ZNF892: variants seen among roughly 807,000 people sequenced by gnomAD.
ZNF892 encodes the protein zinc finger protein 892, also known as zinc finger protein 570-like.
the ZNF892 span, among the ~76,000 whole-genome samples, chr2:95,252,612 T>G: frequency 3.3e-5 from 5 of 152,306 alleles, no homozygotes; most frequent in South Asian, 2.1e-4. Flanking sequence ...GTAATGGGAT[T>G]GCTGGGTCAA....
chr2:95,210,151 ATATATGTG>A, the ZNF892 span, among the ~76,000 whole-genome samples: 2 of 148,796 alleles, frequency 1.3e-5, no homozygotes, highest in Non-Finnish European at 3.0e-5. Context: ...GTATATATGT[ATATATGTG>A]TATATATGTA....
At chr2:95,248,839 G>A in the ZNF892 span, among the ~76,000 whole-genome samples, 3 of 151,762 alleles carry the variant, frequency 2.0e-5, no homozygotes, top group African/African-American at 7.3e-5. Flanking sequence ...TGGAATAACC[G>A]GTCATTTTAT....
chr2:95,237,178 C>T, the ZNF892 span, among the ~76,000 whole-genome samples: 268 of 149,312 alleles, frequency 1.8e-3, 2 homozygotes, highest in African/African-American at 6.4e-3. Flanking sequence ...ACTAGAGTCT[C>T]CCTCAGTCAC....
the ZNF892 span, among the ~76,000 whole-genome samples, chr2:95,225,775 A>G: frequency 6.6e-6 from 1 of 152,238 alleles, no homozygotes; most frequent in Non-Finnish European, 1.5e-5. Flanking sequence ...GGTGAGACTC[A>G]AATCACTATT....
At chr2:95,258,493 C>T in the ZNF892 span, among the ~76,000 whole-genome samples, 1 of 152,036 alleles carries the variant, frequency 6.6e-6, no homozygotes, top group East Asian at 1.9e-4. Flanking sequence ...TGGGAATGGA[C>T]GTGGGTTACA....
chr2:95,249,387 C>A, the ZNF892 span, among the ~76,000 whole-genome samples: 1 of 148,536 alleles, frequency 6.7e-6, no homozygotes, highest in African/African-American at 2.4e-5. Context: ...ATTACAGGCG[C>A]CCGCCACCAC....
chr2:95,258,511 A>G, the ZNF892 span, among the ~76,000 whole-genome samples: 1 of 152,170 alleles, frequency 6.6e-6, no homozygotes, highest in African/African-American at 2.4e-5. Flanking sequence ...ACAGATTGGG[A>G]ACAGATGTGG....
the ZNF892 span, among the ~76,000 whole-genome samples, chr2:95,249,229 A>ATTTTTTTTTT: frequency 1.4e-5 from 1 of 70,626 alleles, no homozygotes; most frequent in Non-Finnish European, 2.7e-5. Context: ...ATATATATAT[A>ATTTTTTTTTT]TATTTTTTTT....
chr2:95,238,351 G>C, the ZNF892 span, among the ~76,000 whole-genome samples: 1 of 152,204 alleles, frequency 6.6e-6, no homozygotes, highest in South Asian at 2.1e-4. Context: ...AACAAAGCCT[G>C]AATGACAGCA....
At chr2:95,238,387 A>T in the ZNF892 span, among the ~76,000 whole-genome samples, 1 of 152,228 alleles carries the variant, frequency 6.6e-6, no homozygotes, top group East Asian at 1.9e-4. Context: ...TGGTTTACTG[A>T]GTATTTTAAG....
At chr2:95,262,798 G>A in the ZNF892 span, among the ~76,000 whole-genome samples, 12 of 152,134 alleles carry the variant, frequency 7.9e-5, no homozygotes, top group Admixed American at 5.9e-4. Context: ...GTTTTCTGAC[G>A]TATTCAACTG....
At chr2:95,246,521 G>A in the ZNF892 span, among the ~76,000 whole-genome samples, 1 of 152,076 alleles carries the variant, frequency 6.6e-6, no homozygotes, top group Admixed American at 6.6e-5. Context: ...AGGGAAATCA[G>A]GCAAGAGAAA....
At chr2:95,243,002 G>A in the ZNF892 span, among the ~76,000 whole-genome samples, 15 of 152,296 alleles carry the variant, frequency 9.8e-5, no homozygotes, top group East Asian at 9.7e-4. Flanking sequence ...GGCGCGCGCC[G>A]CCACGCCTGA....
chr2:95,260,939 G>A, the ZNF892 span, among the ~76,000 whole-genome samples: 44 of 152,330 alleles, frequency 2.9e-4, no homozygotes, highest in African/African-American at 1.0e-3. Flanking sequence ...AGAAGGTGAG[G>A]GCGGCCTGCA....
At chr2:95,218,451 A>G in the ZNF892 span, among the ~76,000 whole-genome samples, 1 of 151,252 alleles carries the variant, frequency 6.6e-6, no homozygotes, top group Non-Finnish European at 1.5e-5. Context: ...AACAAGAACC[A>G]CCTTTTTTTT....
chr2:95,227,183 C>G, the ZNF892 span, among the ~76,000 whole-genome samples: 1 of 124,280 alleles, frequency 8.0e-6, no homozygotes, highest in Admixed American at 1.1e-4. Context: ...TTGTTTTTTT[C>G]TTTCTAGCAC....
the ZNF892 span, among the ~76,000 whole-genome samples, chr2:95,249,213 A>ATG: frequency 3.2e-5 from 2 of 62,062 alleles, no homozygotes; most frequent in African/African-American, 9.6e-5. Context: ...ATGTATGTAT[A>ATG]TATATATATA....
the ZNF892 span, among the ~76,000 whole-genome samples, chr2:95,236,554 C>T: frequency 6.6e-6 from 1 of 152,258 alleles, no homozygotes; most frequent in South Asian, 2.1e-4. Context: ...TTCATTAGAG[C>T]TGTGGAAATT....
chr2:95,255,796 G>T, the ZNF892 span, among the ~76,000 whole-genome samples: 1 of 152,164 alleles, frequency 6.6e-6, no homozygotes, highest in African/African-American at 2.4e-5. Flanking sequence ...AGGATAGTTA[G>T]CTCTTCTTGT....
Sources: allele counts gnomAD v4.1 joint callset (sites outside exome capture counted in the v4.1 genomes callset), GRCh38; gene constraint gnomAD v4.1.1; transcripts MANE v1.5; gene names NCBI Gene and HGNC (gene_info 2026-07-23, HGNC 2026-07-21).